Variants in LOC128462377 observed in about 807,000 individuals in gnomAD.
the LOC128462377 span, among the ~76,000 whole-genome samples, chr16:89,350,016 A>G: frequency 1.3e-5 from 2 of 152,200 alleles, no homozygotes; most frequent in Non-Finnish European, 2.9e-5. Context: ...CAAATGGCAG[A>G]TATGAAAGTG....
At chr16:89,415,616 ACAGGCATTCAAGAC>A in the LOC128462377 span, among the ~76,000 whole-genome samples, 2 of 151,418 alleles carry the variant, frequency 1.3e-5, no homozygotes, top group East Asian at 3.9e-4. Context: ...ACAATGGAGA[ACAGGCATTCAAGAC>A]CAGCCTGGCC....
At chr16:89,345,541 A>G in the LOC128462377 span, among the ~76,000 whole-genome samples, 1 of 152,238 alleles carries the variant, frequency 6.6e-6, no homozygotes, top group Admixed American at 6.5e-5. Context: ...AGCTTCCAGA[A>G]CTGTGAGAAA....
At chr16:89,369,622 C>T in the LOC128462377 span, among the ~76,000 whole-genome samples, 5,708 of 152,222 alleles carry the variant, frequency 0.037, 184 homozygotes, top group African/African-American at 0.08. Context: ...GGAGGGGGTG[C>T]GGTCACAGAA....
At chr16:89,383,354 A>C in the LOC128462377 span, among the ~76,000 whole-genome samples, 17 of 152,284 alleles carry the variant, frequency 1.1e-4, no homozygotes, top group South Asian at 2.9e-3. Flanking sequence ...GCAGCCCCAT[A>C]CCAACGCTGA....
chr16:89,359,384 A>T, the LOC128462377 span, among the ~76,000 whole-genome samples: 1 of 152,218 alleles, frequency 6.6e-6, no homozygotes, highest in Non-Finnish European at 1.5e-5. Flanking sequence ...AACTGCAGCC[A>T]GCTCCTGGAG....
the LOC128462377 span, among the ~76,000 whole-genome samples, chr16:89,381,354 A>AAAAAGGGG: frequency 8.0e-6 from 1 of 125,346 alleles, no homozygotes; most frequent in African/African-American, 3.3e-5. Context: ...AAAAAAAAAA[A>AAAAAGGGG]GGGGTGAGAA....
the LOC128462377 span, among the ~76,000 whole-genome samples, chr16:89,402,548 C>T: frequency 6.6e-6 from 1 of 151,046 alleles, no homozygotes; most frequent in Non-Finnish European, 1.5e-5. Context: ...CGTATGGTGC[C>T]GCACACCAGC....
the LOC128462377 span, among the ~76,000 whole-genome samples, chr16:89,355,454 A>C: frequency 9.2e-5 from 14 of 152,314 alleles, no homozygotes; most frequent in South Asian, 1.2e-3. Flanking sequence ...TGAAAGACCT[A>C]ATCAAGGCTG....
chr16:89,363,055 G>A, the LOC128462377 span, among the ~76,000 whole-genome samples: 1 of 151,962 alleles, frequency 6.6e-6, no homozygotes, highest in African/African-American at 2.4e-5. Context: ...TACCCTTTCT[G>A]CAGAAGGTAT....
At chr16:89,334,188 A>G in the LOC128462377 span, among the ~76,000 whole-genome samples, 1,375 of 149,908 alleles carry the variant, frequency 9.2e-3, 34 homozygotes, top group African/African-American at 0.032. Context: ...GAGAGAGAGA[A>G]AGAAAGAAAA....
At chr16:89,339,468 C>A in the LOC128462377 span, among the ~76,000 whole-genome samples, 1 of 144,168 alleles carries the variant, frequency 6.9e-6, no homozygotes, top group Non-Finnish European at 1.6e-5. Flanking sequence ...CCCATCCTGC[C>A]CTGAGTGCAC....
chr16:89,323,224 A>C, the LOC128462377 span: 164,746 of 1,100,424 alleles, frequency 0.15, 22,225 homozygotes, highest in East Asian at 0.57. Flanking sequence ...TGAGCGGAGG[A>C]AAAAAGAAAA....
the LOC128462377 span, chr16:89,403,706 G>C: frequency 5.9e-5 from 9 of 152,208 alleles, no homozygotes; most frequent in Admixed American, 5.9e-4. Context: ...GAGGCAGGAA[G>C]ATGACTTGAG....
chr16:89,401,223 C>T, the LOC128462377 span, among the ~76,000 whole-genome samples: 3 of 151,966 alleles, frequency 2.0e-5, no homozygotes, highest in South Asian at 2.1e-4. Context: ...CCTTCCAAGA[C>T]GGCCGCCACC....
At chr16:89,350,557 T>G in the LOC128462377 span, among the ~76,000 whole-genome samples, 1 of 152,124 alleles carries the variant, frequency 6.6e-6, no homozygotes, top group Non-Finnish European at 1.5e-5. Context: ...GAGTCCACAC[T>G]CAATGATTCC....
chr16:89,407,856 A>G, the LOC128462377 span, among the ~76,000 whole-genome samples: 2 of 36,132 alleles, frequency 5.5e-5, no homozygotes, highest in African/African-American at 2.1e-4. Context: ...TCCCTCCAAA[A>G]AAAAAAAAAA....
At chr16:89,369,244 G>C in the LOC128462377 span, among the ~76,000 whole-genome samples, 1 of 152,226 alleles carries the variant, frequency 6.6e-6, no homozygotes, top group Non-Finnish European at 1.5e-5. Flanking sequence ...AGGCAGTGCA[G>C]CGACCTACAC....
chr16:89,375,121 C>A, the LOC128462377 span, among the ~76,000 whole-genome samples: 1 of 152,000 alleles, frequency 6.6e-6, no homozygotes, highest in African/African-American at 2.4e-5. Flanking sequence ...GAAGTGTATA[C>A]AACTCAGTGC....
At chr16:89,345,699 C>A in the LOC128462377 span, among the ~76,000 whole-genome samples, 1 of 152,166 alleles carries the variant, frequency 6.6e-6, no homozygotes, top group African/African-American at 2.4e-5. Flanking sequence ...TGGCTCAGCA[C>A]GAGCTGAGTG....
Sources: allele counts gnomAD v4.1 joint callset (sites outside exome capture counted in the v4.1 genomes callset), GRCh38; gene constraint gnomAD v4.1.1; transcripts MANE v1.5.